The following USP7 variants were observed in gnomAD, a reference collection of about 807,000 sequenced individuals.
The protein encoded by USP7 is ubiquitin C-terminal hydrolase 7.
In USP7, 9 loss-of-function variants were observed where a neutral mutation model predicts 162.9. The observed-to-expected ratio is 0.06, with a 90% CI of 0.03 to 0.10. The LOEUF (loss-of-function observed/expected upper bound fraction) is 0.10. Among genes scored for constraint, USP7 ranks in the 10% least tolerant of loss-of-function variants. USP7 has a pLI of 1.00. For synonymous variants in USP7, 562 were observed against 475.9 expected, an observed-to-expected ratio of 1.18 and a Z score of -2.35; for missense variants, 715 against 1,373.7, an observed-to-expected ratio of 0.52 and a Z score of 7.58.
At chr16:8,901,096 G>C (rs772486366) in intron 19 of USP7, 39 bp from the exon 20 acceptor site, 63 of 1,612,894 alleles carry the variant, frequency 3.9e-5, no homozygotes, top group Non-Finnish European at 5.2e-5. Context: ...TAGCTGTAAT[G>C]TACTGAGCAA....
intron 1 of USP7, among the ~76,000 whole-genome samples, chr16:8,951,258 C>G (rs1235921563): frequency 1.3e-3 from 1 of 790 alleles, no homozygotes; most frequent in Non-Finnish European, 0.012. Flanking sequence ...TATATTTAAT[C>G]TTTAAAATCT....
At position 8,917,224 on chromosome 16, in the gene USP7, A is replaced by C. The variant is rs565919965; in HGVS notation, c.721-68T>G. The C allele has an allele frequency of 8.3e-5, 125 of 1,499,430 alleles. 1 individual carries two copies. In the East Asian group the frequency reaches 2.4e-3, roughly 29 times the overall value. The allele number at this position is 1,499,430 out of a possible 1,614,324, so 92.9% of individuals were successfully genotyped here. A position where few individuals can be genotyped will look rare whatever the true frequency, so the allele number is the denominator to read the frequency against. ...CAGGGGAATTTAAAAAACAGTAAGA[A>C]TTTAATCTTCATGTTTAAAAAAATC... is the stretch of plus-strand genomic sequence containing the variant. On this transcript the variant is annotated intron_variant, in intron 6 of 30. Coordinates refer to ENST00000344836, the MANE Select transcript of USP7 (RefSeq NM_003470.3).
At chr16:8,945,306 C>G (rs775979833) in intron 1 of USP7, among the ~76,000 whole-genome samples, 1 of 152,124 alleles carries the variant, frequency 6.6e-6, no homozygotes, top group African/African-American at 2.4e-5. Context: ...ATCGTTTGTA[C>G]CTGGGAGGTG....
intron 1 of USP7, among the ~76,000 whole-genome samples, chr16:8,953,543 G>C (rs573687132): frequency 8.0e-6 from 1 of 124,476 alleles, no homozygotes; most frequent in East Asian, 2.0e-4. Flanking sequence ...GAAGACACGT[G>C]CCCCATGCGG....
intron 6 of USP7, among the ~76,000 whole-genome samples, chr16:8,918,639 G>A (rs910857130): frequency 6.6e-6 from 1 of 152,064 alleles, no homozygotes; most frequent in African/African-American, 2.4e-5. Context: ...GTGAAACCCC[G>A]CCTCTACTAA....
intron 1 of USP7, among the ~76,000 whole-genome samples, chr16:8,934,877 C>T (rs1480368293): frequency 6.6e-6 from 1 of 152,184 alleles, no homozygotes; most frequent in Non-Finnish European, 1.5e-5. Context: ...GGCAGGAGAT[C>T]CCGTTTTTAA....
Position 8,923,423 on chromosome 16 carries a change from A to G in USP7, c.185-10T>C, listed in dbSNP as rs1255093004. Reference sequence around the variant, plus strand: ...GAGCGCCAACTGGTGTCTGCAAAAAAAACACATCATCAGTCACAGAGCCTG... The same window carrying G: ...GAGCGCCAACTGGTGTCTGCAAAAAGAACACATCATCAGTCACAGAGCCTG... On this transcript the variant is annotated splice_polypyrimidine_tract_variant and intron_variant, in intron 2 of 30. Transcript: ENST00000344836. 1 of 1,613,926 alleles carries G rather than the reference A, an allele frequency of 6.2e-7. No homozygotes were observed. Among genetic ancestry groups the G allele is most frequent in the South Asian group, 1.1e-5 (1 of 91,060 alleles).
chr16:8,902,489 A>G lies in USP7; in HGVS notation c.1840-7T>C. The stretch of plus-strand genomic sequence containing the variant: ...TTTGATCTTGTGGAAATCCCTGAAA[A>G]AAATATTAAGAGTAGATTAAAATAA... On this transcript the variant is annotated splice_region_variant and splice_polypyrimidine_tract_variant and intron_variant, in intron 16 of 30. Coordinates refer to ENST00000344836, the MANE Select transcript of USP7 (RefSeq NM_003470.3). 6.2e-7 allele frequency: 1 copy of G among 1,612,992 alleles called. No homozygotes were observed. The highest frequency in any genetic ancestry group is 8.5e-7 in the Non-Finnish European group (1 of 1,179,502).
At chr16:8,953,639 G>A (rs1166319357) in intron 1 of USP7, among the ~76,000 whole-genome samples, 2 of 20,230 alleles carry the variant, frequency 9.9e-5, no homozygotes, top group African/African-American at 2.7e-4. Flanking sequence ...CGGCGCCACC[G>A]GAAGCAGAGG....
At chr16:8,927,528 G>C (rs1464426527) in intron 2 of USP7, among the ~76,000 whole-genome samples, 1 of 152,082 alleles carries the variant, frequency 6.6e-6, no homozygotes, top group East Asian at 1.9e-4. Flanking sequence ...GATCCATCTA[G>C]ATCTTCAGAG....
chr16:8,899,885 C>T, intron 21 of USP7, 128 bp from the exon 22 acceptor site: 3 of 1,167,160 alleles, frequency 2.6e-6, no homozygotes, highest in Admixed American at 4.1e-5. Context: ...TCAGGTTCCC[C>T]TTTGAGGGGG....
chr16:8,915,774 C>T (rs1047443863), intron 8 of USP7, among the ~76,000 whole-genome samples: 1 of 152,128 alleles, frequency 6.6e-6, no homozygotes, highest in Non-Finnish European at 1.5e-5. Flanking sequence ...ATCTGTAGTG[C>T]CTTTAGAAGC....
At chr16:8,904,695 CA>C in intron 14 of USP7, 130 bp from the exon 15 acceptor site, 1 of 1,376,880 alleles carries the variant, frequency 7.3e-7, no homozygotes, top group East Asian at 2.5e-5. Flanking sequence ...GTAATCCCAG[CA>C]CTTTGGGAGG....
chr16:8,907,083 C>CAGCATGCACCCGGCCTGCGA (rs1596362543), intron 12 of USP7, among the ~76,000 whole-genome samples: 1 of 152,328 alleles, frequency 6.6e-6, no homozygotes, highest in East Asian at 1.9e-4. Context: ...GTCTCAAGCA[C>CAGCATGCACCCGGCCTGCGA]AGCATGCACC....
chr16:8,914,852 G>C (rs1013115078), intron 10 of USP7, among the ~76,000 whole-genome samples: 1 of 152,144 alleles, frequency 6.6e-6, no homozygotes, highest in Admixed American at 6.5e-5. Context: ...CCTGGAGTTC[G>C]AGGCTGCACT....
chr16:8,905,089 ATAAAATGTGT>A, intron 14 of USP7, 88 bp downstream of exon 14: 1 of 1,467,210 alleles, frequency 6.8e-7, no homozygotes, highest in Admixed American at 1.7e-5. Flanking sequence ...TGGAATAAGC[ATAAAATGTGT>A]TTGGACAGAA....
At chr16:8,937,340 T>C (rs1898802894) in intron 1 of USP7, among the ~76,000 whole-genome samples, 1 of 151,164 alleles carries the variant, frequency 6.6e-6, no homozygotes, top group African/African-American at 2.4e-5. Context: ...AGGCCAGAAG[T>C]TTGAGACCAG....
chr16:8,954,523 A>G lies in USP7; in HGVS notation c.79+8684T>C, dbSNP rs367797644. Among the ~76,000 whole-genome samples, 4 of 152,348 alleles carry G rather than the reference A, an allele frequency of 2.6e-5. No individual in the cohort carries two copies. The South Asian group carries it at 8.3e-4, about 32-fold the overall frequency. On this transcript the variant is annotated intron_variant, in intron 1 of 30. Coordinates refer to ENST00000344836, the MANE Select transcript of USP7 (RefSeq NM_003470.3). ...GATTACCCTGTTAACCGTAACTCAA[A>G]AAGTCAAATCCACAATCTATTTTTT...
chr16:8,900,277 C>A, intron 21 of USP7: 1 of 392,752 alleles, frequency 2.5e-6, no homozygotes, highest in Non-Finnish European at 4.5e-6. Flanking sequence ...CAATTGTTCC[C>A]ACTCTACTAA....
Sources: gnomAD v4.1 joint callset for allele counts (sites outside exome capture counted in the v4.1 genomes callset) on GRCh38, gnomAD v4.1.1 for gene constraint, MANE v1.5 for transcripts, NCBI Gene and HGNC (gene_info 2026-07-23, HGNC 2026-07-21) for gene names.